CASK: variants seen among roughly 807,000 people sequenced by gnomAD.
The protein encoded by CASK is peripheral plasma membrane protein CASK.
CASK carries 4 observed loss-of-function variants against 82.9 expected under a neutral mutation model. The observed-to-expected ratio is 0.05, with a 90% confidence interval of 0.02 to 0.11. CASK has a LOEUF of 0.11. Among genes scored for constraint, CASK ranks in the 10% least tolerant of loss-of-function variants. The pLI is 1.00. For synonymous variants in CASK, 259 were observed against 253.5 expected (o/e 1.02, Z -0.20); for missense variants, 358 against 720.9 (o/e 0.50, Z 5.76).
intron 2 of CASK, among the ~76,000 whole-genome samples, chrX:41,808,786 G>A (rs372272943): frequency 8.5e-4 from 96 of 112,450 alleles, no homozygotes; most frequent in African/African-American, 2.9e-3. Context: ...CGCCTCACCC[G>A]GGAAGTGCAA....
chrX:41,760,586 G>C (rs1602582945), intron 3 of CASK, among the ~76,000 whole-genome samples: 1 of 110,613 alleles, frequency 9.0e-6, no homozygotes, highest in Non-Finnish European at 1.9e-5. Context: ...AGACAGACAG[G>C]GTTTCATGGG....
intron 16 of CASK, among the ~76,000 whole-genome samples, chrX:41,565,577 A>G (rs1276515670): frequency 1.5e-4 from 17 of 111,599 alleles, no homozygotes; most frequent in Non-Finnish European, 1.5e-4. Context: ...CAGGCCGTGA[A>G]ATTGAGGCAA....
At chrX:41,707,878 G>A (rs1007552407) in intron 5 of CASK, among the ~76,000 whole-genome samples, 1 of 111,592 alleles carries the variant, frequency 9.0e-6, no homozygotes, top group Non-Finnish European at 1.9e-5. Flanking sequence ...TCTTCACTTT[G>A]GGAGGCTGAG....
intron 5 of CASK, among the ~76,000 whole-genome samples, chrX:41,692,421 T>C (rs772493989): frequency 1.8e-5 from 2 of 111,931 alleles, no homozygotes; most frequent in Non-Finnish European, 3.8e-5. Flanking sequence ...CAATTGGTGG[T>C]AGTCTCAAAA....
chrX:41,628,679 T>C (rs1315236243), intron 9 of CASK, among the ~76,000 whole-genome samples: 2 of 112,183 alleles, frequency 1.8e-5, no homozygotes, highest in East Asian at 5.5e-4. Flanking sequence ...AGAGAAGTGA[T>C]ATTGATGTTA....
intron 6 of CASK, among the ~76,000 whole-genome samples, chrX:41,669,650 A>T (rs183062779): frequency 1.0e-3 from 116 of 111,937 alleles, no homozygotes; most frequent in African/African-American, 3.7e-3. Flanking sequence ...ATAATTTAGG[A>T]TTTTCACTTG....
At chrX:41,524,122 A>C (rs937724146) in intron 25 of CASK, 88 bp from the exon 26 acceptor site, 1 of 719,824 alleles carries the variant, frequency 1.4e-6, no homozygotes, top group Non-Finnish European at 2.1e-6. Flanking sequence ...ATTTTTATAC[A>C]ACTGAAAATT....
At chrX:41,549,207 G>C (rs752502826) in intron 21 of CASK, among the ~76,000 whole-genome samples, 1 of 111,864 alleles carries the variant, frequency 8.9e-6, no homozygotes, top group East Asian at 2.8e-4. Flanking sequence ...AAAGTTTTGG[G>C]GGTCTGGCTG....
chrX:41,682,036 T>A (rs1459687279), intron 5 of CASK, among the ~76,000 whole-genome samples: 3 of 67,707 alleles, frequency 4.4e-5, no homozygotes, highest in East Asian at 4.3e-4. Context: ...GATAAATGAA[T>A]CCAACATAAG....
chrX:41,620,066 G>A (rs1370146133), intron 11 of CASK, among the ~76,000 whole-genome samples: 1 of 112,318 alleles, frequency 8.9e-6, no homozygotes, highest in Non-Finnish European at 1.9e-5. Flanking sequence ...CATTCAATGA[G>A]TTTTGATATA....
chrX:41,610,108 A>C, intron 11 of CASK, 83 bp from the exon 12 acceptor site: 1 of 961,776 alleles, frequency 1.0e-6, no homozygotes, highest in Non-Finnish European at 1.5e-6. Context: ...CTTACACTTA[A>C]GAACAATGAA....
At chrX:41,680,591 G>C (rs748617305) in intron 5 of CASK, among the ~76,000 whole-genome samples, 2 of 110,353 alleles carry the variant, frequency 1.8e-5, no homozygotes, top group Non-Finnish European at 3.8e-5. Flanking sequence ...GCTTTTCAGT[G>C]GACAGTGCTG....
At chrX:41,888,332 A>AT (rs939839936) in intron 1 of CASK, among the ~76,000 whole-genome samples, 61 of 107,458 alleles carry the variant, frequency 5.7e-4, no homozygotes, top group African/African-American at 1.8e-3. Flanking sequence ...TGATTCATTT[A>AT]TTTTTTTTTT....
chrX:41,531,290 A>G, intron 24 of CASK, 81 bp from the exon 25 acceptor site: 1 of 769,358 alleles, frequency 1.3e-6, no homozygotes, highest in South Asian at 2.1e-5. Context: ...ACTCAAACCC[A>G]GTCTCTTCCT....
intron 2 of CASK, among the ~76,000 whole-genome samples, chrX:41,811,543 G>C (rs1276857937): frequency 2.0e-4 from 22 of 112,337 alleles, no homozygotes; most frequent in Non-Finnish European, 2.8e-4. Context: ...AAACCAATGA[G>C]AACAAAGACA....
intron 10 of CASK, among the ~76,000 whole-genome samples, chrX:41,626,162 C>G (rs958781167): frequency 9.1e-6 from 1 of 109,538 alleles, no homozygotes; most frequent in African/African-American, 3.3e-5. Flanking sequence ...AGATAACTCA[C>G]AAGACAGCTC....
intron 5 of CASK, among the ~76,000 whole-genome samples, chrX:41,711,336 ATTG>A (rs778605662): frequency 8.9e-5 from 10 of 112,307 alleles, no homozygotes; most frequent in African/African-American, 3.2e-4. Context: ...ATCTGTGTTA[ATTG>A]TTGTTGAAAG....
intron 2 of CASK, among the ~76,000 whole-genome samples, chrX:41,848,402 T>A (rs186751904): frequency 8.9e-6 from 1 of 112,002 alleles, no homozygotes; most frequent in East Asian, 2.8e-4. Flanking sequence ...CTCACTCTGT[T>A]AGTTATCATG....
chrX:41,643,681 G>A (rs1203519320), intron 8 of CASK, among the ~76,000 whole-genome samples: 2 of 111,399 alleles, frequency 1.8e-5, no homozygotes, highest in African/African-American at 3.3e-5. Context: ...GGGCTGAGAT[G>A]ATGGGGTTTT....
Sources: allele counts gnomAD v4.1 joint callset (sites outside exome capture counted in the v4.1 genomes callset), GRCh38; gene constraint gnomAD v4.1.1; transcripts MANE v1.5; gene names NCBI Gene and HGNC (gene_info 2026-07-23, HGNC 2026-07-21).